The following PPP2R5A variants were observed in gnomAD, a reference collection of about 807,000 sequenced individuals.
PPP2R5A encodes protein phosphatase 2 regulatory subunit B'alpha.
Under a neutral mutation model 64.2 loss-of-function variants are expected in PPP2R5A, and 25 were observed. The ratio of observed to expected loss-of-function variants is 0.39; its 90% CI spans 0.28 to 0.54. The LOEUF is 0.54. PPP2R5A is among the 20% of genes least tolerant of loss of function. PPP2R5A has a pLI of 0.67. For synonymous variants in PPP2R5A, 198 were observed against 201.2 expected, an observed-to-expected ratio of 0.98 and a Z score of 0.13; for missense variants, 425 against 576.3, an observed-to-expected ratio of 0.74 and a Z score of 2.69.
intron 1 of PPP2R5A, chr1:212,309,441 C>T (rs1024108105): frequency 1.9e-5 from 21 of 1,077,188 alleles, no homozygotes; most frequent in Middle Eastern, 2.1e-4. Flanking sequence ...TCAACATTGC[C>T]TTTTTGGCCT....
rs142805103 is a variant in PPP2R5A, at chr1:212,311,951, G to A, written c.182-17184G>A. Among the ~76,000 whole-genome samples the A allele has an allele frequency of 9.2e-5, 14 of 152,244 alleles. No individual in the cohort carries two copies. The Middle Eastern group carries it at 0.01, about 111-fold the overall frequency. On this transcript the variant is annotated intron_variant, in intron 1 of 12. Transcript: ENST00000261461. Reference sequence around the variant, plus strand: ...AAATGTTTTAAATAAATTTAGGGTAGCCTAAATATACCGTTTATAAAGTCT... The same window carrying A: ...AAATGTTTTAAATAAATTTAGGGTAACCTAAATATACCGTTTATAAAGTCT...
At chr1:212,317,572 A>G (rs1316509120) in intron 1 of PPP2R5A, among the ~76,000 whole-genome samples, 1 of 152,106 alleles carries the variant, frequency 6.6e-6, no homozygotes, top group Admixed American at 6.5e-5. Flanking sequence ...CCTTACGTGC[A>G]ATACACTCTG....
In PPP2R5A at chr1:212,349,230, A is replaced by G; in HGVS notation, c.915A>G (p.Thr305=). 1.3e-6 allele frequency: 2 copies of G among 1,575,044 alleles called. No homozygotes were observed. The highest frequency in any genetic ancestry group is 1.3e-5 in the African/African-American group (1 of 74,168). Residue 305 remains threonine (T), a synonymous_variant, in exon 8 of 13, where the codon ACA becomes ACG. Transcript: ENST00000261461. ...TACAGTTCCTGGAGAAAGATACAAC[A>G]CTAACAGAGCCAGTAAGTGTTCTAT... ...CVVQFLEKDT[T]LTEPVIRGLL... is the part of the protein sequence containing the mutation.
chr1:212,305,025 C>A (rs921577008), intron 1 of PPP2R5A, among the ~76,000 whole-genome samples: 12 of 150,022 alleles, frequency 8.0e-5, no homozygotes, highest in Admixed American at 6.0e-4. Context: ...GCTGCCACAC[C>A]CGGCCCCCAA....
At chr1:212,294,804 A>G (rs992248606) in intron 1 of PPP2R5A, among the ~76,000 whole-genome samples, 2 of 152,226 alleles carry the variant, frequency 1.3e-5, no homozygotes, top group Non-Finnish European at 2.9e-5. Flanking sequence ...GAAGGACTCA[A>G]TCCCGTTTTA....
chr1:212,310,292 GT>G (rs34643638), intron 1 of PPP2R5A, among the ~76,000 whole-genome samples: 123 of 145,706 alleles, frequency 8.4e-4, no homozygotes, highest in African/African-American at 2.2e-3. Context: ...ACACTGCTGG[GT>G]TTTTTTTTTT....
At chr1:212,342,425 G>A in intron 4 of PPP2R5A, 145 bp downstream of exon 4, 1 of 1,138,254 alleles carries the variant, frequency 8.8e-7, no homozygotes, top group East Asian at 2.7e-5. Context: ...TAGAATAAAA[G>A]TGAAGTTAGC....
At chr1:212,337,202 A>G (rs1425206838) in intron 3 of PPP2R5A, among the ~76,000 whole-genome samples, 4 of 152,116 alleles carry the variant, frequency 2.6e-5, no homozygotes, top group African/African-American at 9.6e-5. Flanking sequence ...TTATTTTCTC[A>G]TTTCTTTCCT....
chr1:212,312,901 G>C (rs1337165878), intron 1 of PPP2R5A, among the ~76,000 whole-genome samples: 2 of 152,016 alleles, frequency 1.3e-5, no homozygotes, highest in East Asian at 3.8e-4. Context: ...TTTATGCCAG[G>C]AATGCAAGGC....
At chr1:212,359,979 G>A (rs1660050985) in intron 12 of PPP2R5A, among the ~76,000 whole-genome samples, 1 of 152,154 alleles carries the variant, frequency 6.6e-6, no homozygotes, top group Non-Finnish European at 1.5e-5. Context: ...ACTCATAACT[G>A]CAGAATTATA....
At chr1:212,298,914 G>A (rs1297618777) in intron 1 of PPP2R5A, among the ~76,000 whole-genome samples, 28 of 27,720 alleles carry the variant, frequency 1.0e-3, no homozygotes, top group Admixed American at 1.6e-3. Flanking sequence ...TGGGCGGCTG[G>A]CCGGGCGGGG....
chr1:212,333,681 T>G, intron 3 of PPP2R5A, 83 bp downstream of exon 3: 1 of 737,900 alleles, frequency 1.4e-6, no homozygotes, highest in Non-Finnish European at 2.0e-6. Context: ...AGATTCTGAG[T>G]GTCTGTGTAA....
chr1:212,302,437 A>G (rs991989282), intron 1 of PPP2R5A, among the ~76,000 whole-genome samples: 1 of 152,188 alleles, frequency 6.6e-6, no homozygotes, highest in African/African-American at 2.4e-5. Flanking sequence ...GATTCTGTGT[A>G]TGTGTTGTAT....
chr1:212,358,916 A>C, intron 12 of PPP2R5A, 129 bp downstream of exon 12: 1 of 588,458 alleles, frequency 1.7e-6, no homozygotes, highest in Non-Finnish European at 2.8e-6. Context: ...TATAGTAAAC[A>C]TTACAATGTG....
chr1:212,338,997 A>G lies in PPP2R5A; in HGVS notation c.481-3191A>G, dbSNP rs1205399631. Among the ~76,000 whole-genome samples, 3 of 152,316 alleles carry G rather than the reference A, an allele frequency of 2.0e-5. No homozygotes were observed. The East Asian group carries it at 5.8e-4, about 29-fold the overall frequency. Reference sequence around the variant, plus strand: ...AAAATAATAATAAAATAATTGGCATATATTCTATGTTACGGTGTGATACAT... The same window carrying G: ...AAAATAATAATAAAATAATTGGCATGTATTCTATGTTACGGTGTGATACAT... On this transcript the variant is annotated intron_variant, in intron 3 of 12. Transcript: ENST00000261461.
intron 1 of PPP2R5A, among the ~76,000 whole-genome samples, chr1:212,314,580 G>C (rs1294144665): frequency 7.1e-6 from 1 of 140,876 alleles, no homozygotes; most frequent in Non-Finnish European, 1.5e-5. Context: ...TTTTTGAGAT[G>C]GTGTCTCGCT....
chr1:212,297,085 C>CT (rs1281253944), intron 1 of PPP2R5A, among the ~76,000 whole-genome samples: 3 of 116,714 alleles, frequency 2.6e-5, no homozygotes, highest in Non-Finnish European at 3.7e-5. Flanking sequence ...TTTTCTTTTT[C>CT]TTTGCTTCTT....
intron 10 of PPP2R5A, 44 bp downstream of exon 10, chr1:212,357,113 T>G (rs557224410): frequency 2.5e-6 from 4 of 1,583,430 alleles, no homozygotes; most frequent in Non-Finnish European, 3.4e-6. Flanking sequence ...CTAGTATTTC[T>G]TTCCTATTTT....
At chr1:212,342,933 C>G (rs572915498) in intron 4 of PPP2R5A, among the ~76,000 whole-genome samples, 7 of 151,304 alleles carry the variant, frequency 4.6e-5, no homozygotes, top group Admixed American at 3.3e-4. Context: ...TTTTCAAAAC[C>G]TTTTCAAAAA....
Sources: allele counts gnomAD v4.1 joint callset (sites outside exome capture counted in the v4.1 genomes callset), GRCh38; gene constraint gnomAD v4.1.1; transcripts MANE v1.5; gene names NCBI Gene and HGNC (gene_info 2026-07-23, HGNC 2026-07-21).